The following MEF2A variants were observed in gnomAD, a reference collection of about 807,000 sequenced individuals.
The protein encoded by MEF2A is myocyte-specific enhancer factor 2A.
MEF2A carries 28 observed loss-of-function variants against 55.8 expected under a neutral mutation model. That is an observed-to-expected ratio of 0.50 (90% confidence interval 0.37 to 0.69). The LOEUF (loss-of-function observed/expected upper bound fraction) is 0.69. Ranked by LOEUF, MEF2A falls within the 30% of genes least tolerant of loss-of-function variation. The pLI is 0.00. For missense variants in MEF2A, 528 were observed against 626.2 expected (o/e 0.84, Z 1.67); for synonymous variants, 239 against 227.1 (o/e 1.05, Z -0.47).
chr15:99,684,888 C>T (rs766025806), intron 7 of MEF2A, among the ~76,000 whole-genome samples: 3 of 152,136 alleles, frequency 2.0e-5, no homozygotes, highest in Non-Finnish European at 4.4e-5. Context: ...AAATGAGGAT[C>T]CAGTTTCTTT....
intron 10 of MEF2A, among the ~76,000 whole-genome samples, chr15:99,708,518 C>T (rs1597326318): frequency 6.6e-6 from 1 of 152,222 alleles, no homozygotes; most frequent in Admixed American, 6.5e-5. Flanking sequence ...AGTCGCTTAG[C>T]GTCAGTCTCA....
At chr15:99,681,687 A>T (rs533033872) in intron 7 of MEF2A, 2 of 152,210 alleles carry the variant, frequency 1.3e-5, no homozygotes, top group Non-Finnish European at 2.9e-5. Flanking sequence ...TTTTTATTGG[A>T]CAGGATCCAT....
chr15:99,625,367 A>T (rs1351351370), intron 2 of MEF2A, among the ~76,000 whole-genome samples: 1 of 152,170 alleles, frequency 6.6e-6, no homozygotes, highest in Non-Finnish European at 1.5e-5. Context: ...TACGTGTAAG[A>T]TCATGCTTGC....
intron 1 of MEF2A, among the ~76,000 whole-genome samples, chr15:99,569,489 C>T (rs1373948240): frequency 6.6e-6 from 1 of 152,152 alleles, no homozygotes; most frequent in Non-Finnish European, 1.5e-5. Flanking sequence ...ATACATAAAA[C>T]GCTTAATTGG....
Position 99,633,167 on chromosome 15 carries a change from C to A in MEF2A, c.48C>A (p.Asn16Lys). The A allele has an allele frequency of 6.4e-7, 1 of 1,570,826 alleles. No individual in the cohort carries two copies. The highest frequency in any genetic ancestry group is 8.6e-7 in the Non-Finnish European group (1 of 1,162,758). Residue 16 changes from asparagine (N) to lysine (K), a missense_variant, in exon 3 of 12, where the codon AAC (asparagine) becomes AAA (lysine). This residue lies in a region of MEF2A where 78 missense variants were observed against 150.9 expected (regional missense o/e 0.52). Coordinates refer to ENST00000557942, the MANE Select transcript of MEF2A (RefSeq NM_001319206.4). ...TCACACGCATAATGGATGAAAGGAACCGACAGGTAAATGAAAATTTTAATT... is the reference window on the plus strand; with the variant it reads ...TCACACGCATAATGGATGAAAGGAAACGACAGGTAAATGAAAATTTTAATT... ...IQITRIMDER[N>K]RQVTFTKRKF...
chr15:99,567,783 AAC>A (rs1304728626), intron 1 of MEF2A, among the ~76,000 whole-genome samples: 1 of 152,158 alleles, frequency 6.6e-6, no homozygotes, highest in Non-Finnish European at 1.5e-5. Context: ...AAATGTCATA[AAC>A]ACACACCTGT....
intron 1 of MEF2A, among the ~76,000 whole-genome samples, chr15:99,586,544 G>C (rs1967334855): frequency 6.6e-6 from 1 of 152,116 alleles, no homozygotes; most frequent in Admixed American, 6.5e-5. Flanking sequence ...TTACTCAGCT[G>C]TAAGACATCT....
chr15:99,653,328 T>C (rs2047161937), intron 4 of MEF2A, among the ~76,000 whole-genome samples: 1 of 152,230 alleles, frequency 6.6e-6, no homozygotes, highest in African/African-American at 2.4e-5. Flanking sequence ...ATTTTGAAGT[T>C]ATTTTTGTGG....
intron 4 of MEF2A, among the ~76,000 whole-genome samples, chr15:99,667,378 G>A (rs1033074216): frequency 2.0e-5 from 3 of 152,052 alleles, no homozygotes; most frequent in South Asian, 2.1e-4. Context: ...CCGCCACCAC[G>A]CCCAGCTAAC....
At chr15:99,686,232 A>G (rs2054185652) in intron 7 of MEF2A, among the ~76,000 whole-genome samples, 1 of 152,114 alleles carries the variant, frequency 6.6e-6, no homozygotes, top group African/African-American at 2.4e-5. Flanking sequence ...ATTCAACGTT[A>G]ATATTGAGAT....
At chr15:99,701,570 T>G (rs1377302902) in intron 8 of MEF2A, among the ~76,000 whole-genome samples, 1 of 152,212 alleles carries the variant, frequency 6.6e-6, no homozygotes, top group Non-Finnish European at 1.5e-5. Flanking sequence ...GTCCAAAGCT[T>G]TAATTGGTGC....
intron 3 of MEF2A, among the ~76,000 whole-genome samples, chr15:99,637,707 C>CTG (rs1316868736): frequency 6.6e-6 from 1 of 151,986 alleles, no homozygotes; most frequent in Non-Finnish European, 1.5e-5. Context: ...CAGTGGCACG[C>CTG]TGTCGGCTCA....
intron 8 of MEF2A, among the ~76,000 whole-genome samples, chr15:99,699,875 AC>A (rs1271666349): frequency 6.6e-6 from 1 of 151,398 alleles, no homozygotes; most frequent in Non-Finnish European, 1.5e-5. Context: ...GTTGCAGATA[AC>A]CCAGGGGGTT....
chr15:99,622,199 A>G (rs139685857), intron 2 of MEF2A, among the ~76,000 whole-genome samples: 145 of 152,298 alleles, frequency 9.5e-4, no homozygotes, highest in Middle Eastern at 6.8e-3. Context: ...TAAAAACATG[A>G]CACATTTTTT....
chr15:99,598,933 A>G (rs1001548929), intron 2 of MEF2A, among the ~76,000 whole-genome samples: 2 of 152,172 alleles, frequency 1.3e-5, no homozygotes, highest in African/African-American at 4.8e-5. Context: ...GTCTAGCCAT[A>G]TCTCATGAAG....
intron 4 of MEF2A, among the ~76,000 whole-genome samples, chr15:99,670,451 A>G (rs2050639681): frequency 6.6e-6 from 1 of 152,080 alleles, no homozygotes; most frequent in Non-Finnish European, 1.5e-5. Context: ...TACTAAAAAT[A>G]CAAAAAAAAT....
In MEF2A at chr15:99,706,818, A is replaced by G. The variant is rs2058090734; in HGVS notation, c.972A>G (p.Gly324=). ...CAACCCCAAGCTTGCCTCCGCAAGGACTTGTGTACTCAGCAATGCCGACTG... is the reference window on the plus strand; with the variant it reads ...CAACCCCAAGCTTGCCTCCGCAAGGGCTTGTGTACTCAGCAATGCCGACTG... ...SVTTPSLPPQ[G]LVYSAMPTAY... is the part of the protein sequence containing the mutation. The change falls in exon 10 of 12, where the codon GGA becomes GGG. Residue 324 remains glycine, a synonymous_variant. Transcript: ENST00000557942. 1.9e-6 allele frequency: 3 copies of G among 1,613,900 alleles called. No homozygotes were observed. The African/African-American group carries it at 4.0e-5, about 22-fold the overall frequency.
intron 2 of MEF2A, among the ~76,000 whole-genome samples, chr15:99,624,552 A>G (rs2041766791): frequency 1.3e-5 from 2 of 152,200 alleles, no homozygotes; most frequent in African/African-American, 2.4e-5. Context: ...TCTTTATGCC[A>G]GTACCACACT....
At position 99,645,591 on chromosome 15, in the gene MEF2A, A is replaced by T. The variant is rs760337010; in HGVS notation, c.85A>T (p.Met29Leu). Residue 29 changes from methionine (M) to leucine (L), a missense_variant, in exon 4 of 12, where the codon ATG becomes TTG. By Grantham distance (15) the Met-to-Leu change is conservative. Around this residue, in one of 2 missense-constraint regions of MEF2A, gnomAD observed 78 missense variants for 150.9 expected, o/e 0.52. Transcript: ENST00000557942. Reference protein sequence around the residue: ...VTFTKRKFGLMKKAYELSVLC... With the variant: ...VTFTKRKFGLLKKAYELSVLC... ...TTTTACAAAGAGAAAGTTTGGATTA[A>T]TGAAGAAAGCCTATGAACTTAGTGT... 7 of 1,613,206 alleles carry T rather than the reference A, an allele frequency of 4.3e-6. No homozygotes were observed. The highest frequency in any genetic ancestry group is 5.1e-6 in the Non-Finnish European group (6 of 1,179,626).
Sources: allele counts gnomAD v4.1 joint callset (sites outside exome capture counted in the v4.1 genomes callset), GRCh38; gene constraint gnomAD v4.1.1; regional missense constraint gnomAD v4.1.1; transcripts MANE v1.5; gene names NCBI Gene and HGNC (gene_info 2026-07-23, HGNC 2026-07-21).